KCNH1: variants seen among roughly 807,000 people sequenced by gnomAD.
The protein encoded by KCNH1 is voltage-gated delayed rectifier potassium channel KCNH1.
KCNH1 carries 27 observed loss-of-function variants against 69.2 expected under a neutral mutation model. That is an observed-to-expected ratio of 0.39 (90% CI 0.29 to 0.54). KCNH1 has a LOEUF of 0.54. KCNH1 is among the 20% of genes least tolerant of loss of function. The probability of loss-of-function intolerance (pLI) is 0.68; values close to 1 mark genes in which losing one functional copy is unlikely to be tolerated. For synonymous variants in KCNH1, 456 were observed against 487.7 expected, an observed-to-expected ratio of 0.93 and a Z score of 0.86; for missense variants, 798 against 1,261.6, an observed-to-expected ratio of 0.63 and a Z score of 5.57.
chr1:210,725,537 G>T (rs1038088542), intron 10 of KCNH1, among the ~76,000 whole-genome samples: 1 of 152,146 alleles, frequency 6.6e-6, no homozygotes, highest in South Asian at 2.1e-4. Context: ...TCAGTCTGGG[G>T]GTAGGGGGTG....
chr1:210,886,760 C>A (rs189635924), intron 7 of KCNH1, among the ~76,000 whole-genome samples: 15 of 151,858 alleles, frequency 9.9e-5, no homozygotes, highest in Non-Finnish European at 8.8e-5. Context: ...ACACAAGTAT[C>A]AGTAACTGAA....
intron 7 of KCNH1, among the ~76,000 whole-genome samples, chr1:210,893,387 T>C (rs953063474): frequency 1.3e-5 from 2 of 152,164 alleles, no homozygotes; most frequent in Non-Finnish European, 2.9e-5. Flanking sequence ...CTGATGCCTT[T>C]GTTCCTTGTT....
chr1:210,972,339 T>G (rs1688525040), intron 6 of KCNH1, among the ~76,000 whole-genome samples: 1 of 152,156 alleles, frequency 6.6e-6, no homozygotes, highest in South Asian at 2.1e-4. Context: ...TCATAACTTT[T>G]GTCAATTTAG....
intron 7 of KCNH1, among the ~76,000 whole-genome samples, chr1:210,806,354 T>C (rs1770222): frequency 0.26 from 39,691 of 151,984 alleles, 5,374 homozygotes; most frequent in African/African-American, 0.33. Context: ...TGGTCATTTA[T>C]ATATCTTCTT....
At chr1:211,053,146 G>A (rs2102442487) in intron 5 of KCNH1, among the ~76,000 whole-genome samples, 2 of 152,302 alleles carry the variant, frequency 1.3e-5, no homozygotes, top group South Asian at 4.1e-4. Context: ...GTGTAAACTG[G>A]CCCAACCTTG....
At chr1:210,733,649 G>A (rs142872117) in intron 10 of KCNH1, among the ~76,000 whole-genome samples, 1 of 152,262 alleles carries the variant, frequency 6.6e-6, no homozygotes, top group African/African-American at 2.4e-5. Flanking sequence ...TACTTTGTTG[G>A]CTAAGAGGAA....
chr1:211,028,276 A>G (rs960982583), intron 5 of KCNH1, among the ~76,000 whole-genome samples: 4 of 152,102 alleles, frequency 2.6e-5, no homozygotes, highest in African/African-American at 4.8e-5. Flanking sequence ...ATTGAACTCA[A>G]TGAAAATGAA....
At chr1:210,754,597 TGTG>T (rs940818597) in intron 10 of KCNH1, among the ~76,000 whole-genome samples, 1 of 151,944 alleles carries the variant, frequency 6.6e-6, no homozygotes, top group Non-Finnish European at 1.5e-5. Flanking sequence ...ATTAAAAGTG[TGTG>T]GTACCTCCCC....
intron 4 of KCNH1, among the ~76,000 whole-genome samples, chr1:211,083,115 C>T (rs550166753): frequency 1.2e-4 from 19 of 152,354 alleles, no homozygotes; most frequent in African/African-American, 4.6e-4. Flanking sequence ...TCATCCTAAT[C>T]GTAGTTTGTG....
At chr1:210,738,200 A>G (rs1258796612) in intron 10 of KCNH1, among the ~76,000 whole-genome samples, 1 of 152,146 alleles carries the variant, frequency 6.6e-6, no homozygotes, top group Non-Finnish European at 1.5e-5. Context: ...TCTTCCTCAG[A>G]TATCTACACA....
intron 7 of KCNH1, among the ~76,000 whole-genome samples, chr1:210,817,737 T>G (rs1347601561): frequency 6.6e-6 from 1 of 152,192 alleles, no homozygotes; most frequent in Non-Finnish European, 1.5e-5. Context: ...CACAGAGAGT[T>G]TAAGTAACTT....
At chr1:210,935,752 G>A (rs188958354) in intron 6 of KCNH1, among the ~76,000 whole-genome samples, 1 of 152,308 alleles carries the variant, frequency 6.6e-6, no homozygotes, top group Admixed American at 6.5e-5. Context: ...CAATATGGAT[G>A]AAGAGACAGT....
rs371798476 is a variant in KCNH1 at position 211,016,780 on chromosome 1, G to A, written c.1032+2003C>T. The stretch of plus-strand genomic sequence containing the variant: ...AAAAATTAGCCAGGCACAGTGACAC[G>A]TGCCTATAATCCCAGCTACTTGGGA... On this transcript the variant is annotated intron_variant, in intron 6 of 10. Transcript: ENST00000271751. 7.3e-5 allele frequency among the ~76,000 whole-genome samples: 11 copies of A among 151,208 alleles called. No individual in the cohort carries two copies. In the East Asian group the frequency reaches 9.7e-4, roughly 13 times the overall value.
intron 10 of KCNH1, among the ~76,000 whole-genome samples, chr1:210,712,145 AAAG>A (rs1372869336): frequency 6.6e-6 from 1 of 152,240 alleles, no homozygotes; most frequent in Non-Finnish European, 1.5e-5. Context: ...GGCCAGAAAA[AAAG>A]CCCTATATTC....
intron 7 of KCNH1, among the ~76,000 whole-genome samples, chr1:210,849,294 A>G (rs936030050): frequency 4.6e-5 from 7 of 151,916 alleles, no homozygotes; most frequent in African/African-American, 1.5e-4. Flanking sequence ...GATTTGAATT[A>G]GAATAGAGTT....
At chr1:210,787,269 G>A (rs1684123233) in intron 9 of KCNH1, among the ~76,000 whole-genome samples, 2 of 151,684 alleles carry the variant, frequency 1.3e-5, no homozygotes, top group African/African-American at 4.9e-5. Flanking sequence ...AGCCACTGCT[G>A]TCCCTGGTGG....
At chr1:210,704,526 C>T (rs1035153555) in intron 10 of KCNH1, among the ~76,000 whole-genome samples, 9 of 152,138 alleles carry the variant, frequency 5.9e-5, no homozygotes, top group Non-Finnish European at 8.8e-5. Flanking sequence ...ATTAGCAATA[C>T]GAAAATTGAC....
chr1:210,873,191 T>C (rs1686288467), intron 7 of KCNH1, among the ~76,000 whole-genome samples: 2 of 152,198 alleles, frequency 1.3e-5, no homozygotes, highest in East Asian at 1.9e-4. Flanking sequence ...TCCCATGCAA[T>C]GGTCTTGTAT....
At chr1:210,685,540 T>G (rs1340056869) in intron 10 of KCNH1, among the ~76,000 whole-genome samples, 1 of 152,192 alleles carries the variant, frequency 6.6e-6, no homozygotes, top group Non-Finnish European at 1.5e-5. Context: ...GCCCCATTAC[T>G]TGACTGTGGA....
Sources: gnomAD v4.1 joint callset for allele counts (sites outside exome capture counted in the v4.1 genomes callset) on GRCh38, gnomAD v4.1.1 for gene constraint, MANE v1.5 for transcripts, NCBI Gene and HGNC (gene_info 2026-07-23, HGNC 2026-07-21) for gene names.